CTIF: variants seen among roughly 807,000 people sequenced by gnomAD.
CTIF encodes the protein cap binding complex dependent translation initiation factor, also known as CBP80/20-dependent translation initiation factor.
Under a neutral mutation model 66.0 loss-of-function variants are expected in CTIF, and 21 were observed. The ratio of observed to expected loss-of-function variants is 0.32; its 90% CI spans 0.23 to 0.46. The LOEUF is 0.46. Ranked by LOEUF, CTIF falls within the 20% of genes least tolerant of loss-of-function variation. The probability of loss-of-function intolerance (pLI) is 1.00; values close to 1 mark genes in which losing one functional copy is unlikely to be tolerated. For missense variants in CTIF, 739 were observed against 812.7 expected (o/e 0.91, Z 1.10); for synonymous variants, 345 against 326.4 (o/e 1.06, Z -0.62).
chr18:48,850,869 G>C (rs540709017), intron 10 of CTIF, among the ~76,000 whole-genome samples: 1 of 152,240 alleles, frequency 6.6e-6, no homozygotes, highest in Non-Finnish European at 1.5e-5. Flanking sequence ...CAACCAAGCA[G>C]GTGTGTGTGG....
At chr18:48,559,996 T>C (rs182832630) in intron 1 of CTIF, among the ~76,000 whole-genome samples, 1 of 152,190 alleles carries the variant, frequency 6.6e-6, no homozygotes, top group East Asian at 1.9e-4. Context: ...CAAGTGGAGT[T>C]TATCCCAAGA....
intron 9 of CTIF, 71 bp from the exon 10 acceptor site, chr18:48,817,150 T>C: frequency 1.3e-6 from 2 of 1,493,854 alleles, no homozygotes; most frequent in Non-Finnish European, 1.8e-6. Context: ...ACAGATGCTC[T>C]GCACAGCAGG....
intron 2 of CTIF, among the ~76,000 whole-genome samples, chr18:48,623,040 G>A (rs2090525234): frequency 6.6e-6 from 1 of 152,224 alleles, no homozygotes; most frequent in Admixed American, 6.5e-5. Context: ...TTGAAAGGAG[G>A]TGCCCTCCCA....
At position 48,758,130 on chromosome 18, in the gene CTIF, G is replaced by C; in HGVS notation, c.796G>C (p.Gly266Arg). 2 of 1,614,084 alleles carry C rather than the reference G, an allele frequency of 1.2e-6. No individual in the cohort carries two copies. Among genetic ancestry groups the C allele is most frequent in the Non-Finnish European group, 1.7e-6 (2 of 1,180,020 alleles). The change falls in exon 8 of 12, where the codon GGC (glycine) becomes CGC (arginine). Residue 266 changes from glycine (G) to arginine (R), a missense_variant. By Grantham distance (125) the Gly-to-Arg change is moderately radical. Around this residue, in one of 2 missense-constraint regions of CTIF, gnomAD observed 529 missense variants for 520.3 expected, o/e 1.02. Transcript: ENST00000256413. ...CCCACCAGGCGACAAGGGGGAGGCA[G>C]GCGCACACCGCAATGCCAAAGAGAC... The part of the protein sequence containing the change: ...KHPPGDKGEA[G>R]AHRNAKETMT...
chr18:48,782,684 C>G (rs976845557), intron 9 of CTIF, among the ~76,000 whole-genome samples: 1 of 152,198 alleles, frequency 6.6e-6, no homozygotes, highest in Non-Finnish European at 1.5e-5. Flanking sequence ...AAGCTGCAGG[C>G]GGACAGGTCC....
chr18:48,821,711 A>G (rs2068486761), intron 10 of CTIF, among the ~76,000 whole-genome samples: 1 of 152,256 alleles, frequency 6.6e-6, no homozygotes, highest in Admixed American at 6.5e-5. Context: ...TGATTGAAGA[A>G]GATTATTGGT....
At chr18:48,629,338 C>T (rs890123646) in intron 2 of CTIF, among the ~76,000 whole-genome samples, 2 of 152,190 alleles carry the variant, frequency 1.3e-5, no homozygotes, top group African/African-American at 4.8e-5. Context: ...ATAGAAATTA[C>T]AATAATAGTG....
chr18:48,671,262 C>T (rs535745201), intron 6 of CTIF, among the ~76,000 whole-genome samples: 1 of 152,290 alleles, frequency 6.6e-6, no homozygotes, highest in South Asian at 2.1e-4. Flanking sequence ...AGAGGATTCA[C>T]TCAGTGAATC....
At position 48,776,764 on chromosome 18, in the gene CTIF, G is replaced by A. The variant is rs989766257; in HGVS notation, c.1371+15075G>A. 2.0e-5 allele frequency among the ~76,000 whole-genome samples: 3 copies of A among 152,246 alleles called. No homozygotes were observed. In the South Asian group the frequency reaches 6.2e-4, roughly 31 times the overall value. ...TAGGGAGAGGCTGGAACCCACTGCGGGTGGGAAGAGAAGATGGGAGCTGCT... is the reference window on the plus strand; with the variant it reads ...TAGGGAGAGGCTGGAACCCACTGCGAGTGGGAAGAGAAGATGGGAGCTGCT... On this transcript the variant is annotated intron_variant, in intron 9 of 11. Transcript: ENST00000256413.
At chr18:48,772,734 G>A (rs1262223298) in intron 9 of CTIF, among the ~76,000 whole-genome samples, 1 of 151,952 alleles carries the variant, frequency 6.6e-6, no homozygotes, top group African/African-American at 2.4e-5. Context: ...CCATTTATCT[G>A]TCAATGGGCA....
intron 7 of CTIF, among the ~76,000 whole-genome samples, chr18:48,750,903 G>T (rs1907745188): frequency 1.3e-5 from 2 of 152,240 alleles, no homozygotes; most frequent in South Asian, 4.1e-4. Flanking sequence ...AGAACACTCA[G>T]TGTGGTGGCT....
At chr18:48,570,072 C>T (rs748723978) in intron 1 of CTIF, among the ~76,000 whole-genome samples, 3 of 152,148 alleles carry the variant, frequency 2.0e-5, no homozygotes, top group East Asian at 1.9e-4. Flanking sequence ...CACGTGGCCA[C>T]GTTGATTGGT....
chr18:48,761,554 G>C lies in CTIF; in HGVS notation c.1236G>C (p.Glu412Asp), dbSNP rs760775237. The C allele has an allele frequency of 1.2e-6, 2 of 1,614,232 alleles. No individual in the cohort carries two copies. Among genetic ancestry groups the C allele is most frequent in the African/African-American group, 2.7e-5 (2 of 75,070 alleles). The change falls in exon 9 of 12, where the codon GAG becomes GAC. Residue 412 changes from glutamate to aspartate, a missense_variant. Transcript: ENST00000256413. The surrounding 1 kb of genome is among the most constrained non-coding windows in gnomAD (Gnocchi z 4.2). ...CCAACTCCGAGGAGATGCTGGGCGA[G>C]ATCGTGCGCACAATCTACCAGAAGG... is the stretch of plus-strand genomic sequence containing the variant. The part of the protein sequence containing the change: ...NSTNSEEMLG[E>D]IVRTIYQKAV...
rs182172665 is a variant in CTIF at position 48,837,129 on chromosome 18, C to A, written c.1527+19753C>A. Among the ~76,000 whole-genome samples, 219 of 152,310 alleles carry A rather than the reference C, an allele frequency of 1.4e-3. 1 individual carries two copies. The highest frequency in any genetic ancestry group is 5.1e-3 in the African/African-American group (213 of 41,562). ...TCATCTTTCTCCTCCTGGCTCCCAT[C>A]CAATGCCCAGGGGCTGGGGGGTCTC... On this transcript the variant is annotated intron_variant, in intron 10 of 11. Coordinates refer to ENST00000256413, the MANE Select transcript of CTIF (RefSeq NM_014772.3).
At chr18:48,663,711 C>A (rs370286375) in intron 3 of CTIF, 41 bp from the exon 4 acceptor site, 3 of 1,584,384 alleles carry the variant, frequency 1.9e-6, no homozygotes, top group Non-Finnish European at 2.6e-6. Context: ...GCATCCTGGC[C>A]GAGCAATTAA....
At chr18:48,709,827 T>G (rs572820508) in intron 6 of CTIF, among the ~76,000 whole-genome samples, 2 of 152,372 alleles carry the variant, frequency 1.3e-5, no homozygotes, top group African/African-American at 4.8e-5. Context: ...CAGAGGCCTA[T>G]TGTGGCTGCC....
In CTIF at chr18:48,772,525, C is replaced by CAATAACTCCCCTACAGCAATAA. The variant is rs71297070; in HGVS notation, c.1371+10836_1371+10837insAATAACTCCCCTACAGCAATAA. Among the ~76,000 whole-genome samples the CAATAACTCCCCTACAGCAATAA allele has an allele frequency of 5.3e-4, 61 of 114,282 alleles. 2 individuals carry two copies. Among genetic ancestry groups the CAATAACTCCCCTACAGCAATAA allele is most frequent in the Admixed American group, 9.5e-4 (10 of 10,564 alleles). 75.0% of individuals were successfully genotyped at this position (114,282 alleles called of 152,430 possible). ...CAGCAATAACTCCCCTACAGCAATG[C>CAATAACTCCCCTACAGCAATAA]CTCCCCTCCATCTTCCATCTCCATG... is the stretch of plus-strand genomic sequence containing the variant. On this transcript the variant is annotated intron_variant, in intron 9 of 11. Coordinates refer to ENST00000256413, the MANE Select transcript of CTIF (RefSeq NM_014772.3).
chr18:48,776,657 G>A lies in CTIF; in HGVS notation c.1371+14968G>A, dbSNP rs148799379. Among the ~76,000 whole-genome samples the A allele has an allele frequency of 2.3e-3, 346 of 152,364 alleles. 2 individuals carry two copies. The highest frequency in any genetic ancestry group is 8.0e-3 in the African/African-American group (332 of 41,594). On this transcript the variant is annotated intron_variant, in intron 9 of 11. Transcript: ENST00000256413. Reference sequence around the variant, plus strand: ...CCAGCCAGGCACCAGGCCCTCTCCAGCAGAGCCTGTGGCACCTCTGTCTGC... The same window carrying A: ...CCAGCCAGGCACCAGGCCCTCTCCAACAGAGCCTGTGGCACCTCTGTCTGC...
intron 10 of CTIF, among the ~76,000 whole-genome samples, chr18:48,853,685 C>T (rs952751938): frequency 5.3e-5 from 8 of 152,262 alleles, no homozygotes; most frequent in Non-Finnish European, 8.8e-5. Flanking sequence ...CAATCAAGCA[C>T]TCCTACGGCC....
Sources: allele counts gnomAD v4.1 joint callset (sites outside exome capture counted in the v4.1 genomes callset), GRCh38; gene constraint gnomAD v4.1.1; regional missense constraint gnomAD v4.1.1; non-coding constraint Gnocchi (gnomAD v3.1); transcripts MANE v1.5; gene names NCBI Gene and HGNC (gene_info 2026-07-23, HGNC 2026-07-21).